Variants in TAFA5 observed in about 807,000 individuals in gnomAD.
TAFA5 encodes TAFA chemokine like family member 5, also known as chemokine-like protein TAFA-5.
In TAFA5, 6 loss-of-function variants were observed where a neutral mutation model predicts 15.3. The observed-to-expected ratio is 0.39, with a 90% CI of 0.21 to 0.77. The LOEUF (loss-of-function observed/expected upper bound fraction) is 0.77, where lower values mean the gene tolerates loss of function less well. Ranked by LOEUF, TAFA5 falls within the 30% of genes least tolerant of loss-of-function variation. The pLI, the probability that TAFA5 is intolerant of heterozygous loss-of-function variation, is 0.41. For missense variants in TAFA5, 161 were observed against 193.1 expected, an observed-to-expected ratio of 0.83 and a Z score of 0.98; for synonymous variants, 103 against 80.7, an observed-to-expected ratio of 1.28 and a Z score of -1.48.
intron 2 of TAFA5, among the ~76,000 whole-genome samples, chr22:48,695,807 G>A (rs768640925): frequency 3.9e-5 from 6 of 152,152 alleles, no homozygotes; most frequent in African/African-American, 7.2e-5. Context: ...AAAAATAGGC[G>A]GGCCCTCTGG....
At chr22:48,726,232 T>C (rs2024161653) in intron 3 of TAFA5, among the ~76,000 whole-genome samples, 1 of 152,270 alleles carries the variant, frequency 6.6e-6, no homozygotes, top group Non-Finnish European at 1.5e-5. Context: ...AAGACAGCTT[T>C]AGATTTGCAA....
chr22:48,732,778 A>G (rs1190675025), intron 3 of TAFA5, among the ~76,000 whole-genome samples: 1 of 152,190 alleles, frequency 6.6e-6, no homozygotes, highest in Non-Finnish European at 1.5e-5. Flanking sequence ...GAGTCAATCG[A>G]TACAGCAAAC....
intron 3 of TAFA5, among the ~76,000 whole-genome samples, chr22:48,729,267 ATATT>A (rs563720219): frequency 1.5e-4 from 19 of 126,548 alleles, no homozygotes; most frequent in South Asian, 9.8e-4. Flanking sequence ...TAATAATTTT[ATATT>A]TATTTATAAA....
At chr22:48,744,890 G>T (rs12106578) in intron 3 of TAFA5, among the ~76,000 whole-genome samples, 32,285 of 152,030 alleles carry the variant, frequency 0.21, 3,695 homozygotes, top group Admixed American at 0.28. Context: ...CTCCCGAGTA[G>T]CTGAGATTAC....
In TAFA5 at chr22:48,502,052, C is replaced by T. The variant is rs556472956; in HGVS notation, c.112+12348C>T. Reference sequence around the variant, plus strand: ...TGGGTTCTCCCAATGTCATTGCTGCCAGCCTGTGGCCCACCCGCTGTCTCT... The same window carrying T: ...TGGGTTCTCCCAATGTCATTGCTGCTAGCCTGTGGCCCACCCGCTGTCTCT... On this transcript the variant is annotated intron_variant, in intron 1 of 3. Transcript: ENST00000402357. Among the ~76,000 whole-genome samples the T allele has an allele frequency of 2.0e-5, 3 of 152,364 alleles. No individual in the cohort carries two copies. In the East Asian group the frequency reaches 5.8e-4, roughly 29 times the overall value.
chr22:48,572,587 C>T (rs1015717735), intron 1 of TAFA5, among the ~76,000 whole-genome samples: 7 of 152,190 alleles, frequency 4.6e-5, no homozygotes, highest in African/African-American at 1.7e-4. Context: ...GTTTTTCACT[C>T]CAGAAGCAGG....
chr22:48,509,746 T>C lies in TAFA5; in HGVS notation c.112+20042T>C, dbSNP rs570619823. Among the ~76,000 whole-genome samples, 29 of 152,028 alleles carry C rather than the reference T, an allele frequency of 1.9e-4. No individual in the cohort carries two copies. In the East Asian group the frequency reaches 5.4e-3, roughly 28 times the overall value. On this transcript the variant is annotated intron_variant, in intron 1 of 3. Transcript: ENST00000402357. ...GCGGGCGGATCACGAGGTCAGAAGA[T>C]CGAGACCATCCTGGCTAACATGGTG...
At chr22:48,569,506 A>G (rs776601597) in intron 1 of TAFA5, among the ~76,000 whole-genome samples, 9 of 152,014 alleles carry the variant, frequency 5.9e-5, no homozygotes, top group African/African-American at 2.2e-4. Context: ...GGCCGCTACA[A>G]TCAAGGCCCA....
chr22:48,719,998 C>T (rs1358588982), intron 3 of TAFA5, among the ~76,000 whole-genome samples: 5 of 152,136 alleles, frequency 3.3e-5, no homozygotes, highest in African/African-American at 1.2e-4. Context: ...ACACGCTGGG[C>T]GCCATTTACA....
chr22:48,511,746 T>G (rs1447948261), intron 1 of TAFA5, among the ~76,000 whole-genome samples: 1 of 152,208 alleles, frequency 6.6e-6, no homozygotes, highest in Non-Finnish European at 1.5e-5. Flanking sequence ...GTATCGGAAA[T>G]GAAGCATCAC....
chr22:48,735,151 C>T (rs775901165), intron 3 of TAFA5, among the ~76,000 whole-genome samples: 7 of 152,172 alleles, frequency 4.6e-5, no homozygotes, highest in African/African-American at 1.2e-4. Context: ...AACGGAGGCA[C>T]GGAGGTGCTA....
At chr22:48,719,274 G>A (rs1015340438) in intron 3 of TAFA5, among the ~76,000 whole-genome samples, 4 of 152,168 alleles carry the variant, frequency 2.6e-5, no homozygotes, top group Non-Finnish European at 5.9e-5. Context: ...CCGCCCCTCG[G>A]GTGAGGTGGC....
chr22:48,506,974 G>A (rs1205566724), intron 1 of TAFA5, among the ~76,000 whole-genome samples: 2 of 152,164 alleles, frequency 1.3e-5, no homozygotes, highest in South Asian at 2.1e-4. Flanking sequence ...AGCAGAGGGG[G>A]GACTGGGCAC....
chr22:48,602,393 T>G (rs1925006617), intron 1 of TAFA5, among the ~76,000 whole-genome samples: 1 of 152,196 alleles, frequency 6.6e-6, no homozygotes, highest in Admixed American at 6.5e-5. Flanking sequence ...TCCAAGTCAC[T>G]GAGGCATTGT....
At chr22:48,717,783 G>A (rs765096706) in intron 3 of TAFA5, among the ~76,000 whole-genome samples, 2 of 152,222 alleles carry the variant, frequency 1.3e-5, no homozygotes, top group Non-Finnish European at 2.9e-5. Context: ...AGCTTCTGAG[G>A]GGGGTGATGG....
At position 48,700,336 on chromosome 22, in the gene TAFA5, A is replaced by C. The variant is rs567276221; in HGVS notation, c.263-7381A>C. Among the ~76,000 whole-genome samples the C allele has an allele frequency of 8.5e-5, 13 of 152,196 alleles. No homozygotes were observed. In the South Asian group the frequency reaches 2.3e-3, roughly 27 times the overall value. ...AGCTAGCAGGTGGGGTGGGGTAGGC[A>C]TCGGCCTTTCCACACACACTAGGCC... On this transcript the variant is annotated intron_variant, in intron 2 of 3. Coordinates refer to ENST00000402357, the MANE Select transcript of TAFA5 (RefSeq NM_001082967.3).
In TAFA5 at chr22:48,530,796, T is replaced by G. The variant is rs1921944186; in HGVS notation, c.112+41092T>G. Among the ~76,000 whole-genome samples the G allele has an allele frequency of 1.3e-5, 2 of 151,166 alleles. No individual in the cohort carries two copies. Among genetic ancestry groups the G allele is most frequent in the African/African-American group, 4.9e-5 (2 of 41,032 alleles). Reference sequence around the variant, plus strand: ...CGGTGGCAGAGGGAGTTCCCAGGAGTGAGGTTTGGGGCAGGAGAGGCGACC... The same window carrying G: ...CGGTGGCAGAGGGAGTTCCCAGGAGGGAGGTTTGGGGCAGGAGAGGCGACC... On this transcript the variant is annotated intron_variant, in intron 1 of 3. Transcript: ENST00000402357. This position sits in a 1 kb window ranked among gnomAD's most constrained non-coding sequence, Gnocchi z 6.0.
At chr22:48,663,310 G>A (rs903330487) in intron 2 of TAFA5, among the ~76,000 whole-genome samples, 6 of 151,382 alleles carry the variant, frequency 4.0e-5, no homozygotes, top group Non-Finnish European at 5.9e-5. Flanking sequence ...AGAGTGGGCT[G>A]AGGGGCCACA....
intron 1 of TAFA5, chr22:48,576,541 C>G (rs773751241): frequency 6.6e-7 from 1 of 1,518,198 alleles, no homozygotes; most frequent in Non-Finnish European, 8.9e-7. Flanking sequence ...CTTCCTCGTC[C>G]TAGTGATCCA....
Sources: allele counts gnomAD v4.1 joint callset (sites outside exome capture counted in the v4.1 genomes callset), GRCh38; gene constraint gnomAD v4.1.1; non-coding constraint Gnocchi (gnomAD v3.1); transcripts MANE v1.5; gene names NCBI Gene and HGNC (gene_info 2026-07-23, HGNC 2026-07-21).